Variants in NXPH2 observed in about 807,000 individuals in gnomAD.
NXPH2 encodes the protein neurexophilin-2.
In NXPH2, 5 loss-of-function variants were observed where a neutral mutation model predicts 19.8. The ratio of observed to expected loss-of-function variants is 0.25; its 90% confidence interval spans 0.13 to 0.53. NXPH2 has a LOEUF of 0.53. Among genes scored for constraint, NXPH2 ranks in the 20% least tolerant of loss-of-function variants. The probability of loss-of-function intolerance (pLI) is 0.96; values close to 1 mark genes in which losing one functional copy is unlikely to be tolerated. For missense variants in NXPH2, 289 were observed against 322.8 expected, an observed-to-expected ratio of 0.90 and a Z score of 0.80; for synonymous variants, 154 against 127.4, an observed-to-expected ratio of 1.21 and a Z score of -1.41.
At chr2:138,736,618 C>T (rs990832127) in intron 1 of NXPH2, among the ~76,000 whole-genome samples, 8 of 152,160 alleles carry the variant, frequency 5.3e-5, no homozygotes, top group African/African-American at 1.4e-4. Flanking sequence ...GACATTTTTC[C>T]CATTGTCTTG....
intron 1 of NXPH2, among the ~76,000 whole-genome samples, chr2:138,705,130 T>C (rs991966998): frequency 6.6e-6 from 1 of 152,010 alleles, no homozygotes; most frequent in African/African-American, 2.4e-5. Context: ...CTTGGTCTTT[T>C]AAAAAAATTT....
At chr2:138,729,492 C>T (rs892487589) in intron 1 of NXPH2, among the ~76,000 whole-genome samples, 1 of 152,180 alleles carries the variant, frequency 6.6e-6, no homozygotes, top group Non-Finnish European at 1.5e-5. Flanking sequence ...TTGGGTATGT[C>T]CTTATAGCAG....
chr2:138,770,096 A>G (rs904046542), intron 1 of NXPH2, among the ~76,000 whole-genome samples: 2 of 152,194 alleles, frequency 1.3e-5, no homozygotes, highest in Non-Finnish European at 2.9e-5. Flanking sequence ...CATAAAGGAA[A>G]TAAAAAGTTT....
intron 1 of NXPH2, among the ~76,000 whole-genome samples, chr2:138,731,927 T>C (rs16841084): frequency 0.12 from 17,944 of 152,220 alleles, 1,205 homozygotes; most frequent in African/African-American, 0.14. Flanking sequence ...TCACAAGATA[T>C]ACATTGCCTG....
chr2:138,713,780 C>A (rs1237483646), intron 1 of NXPH2, among the ~76,000 whole-genome samples: 3 of 152,010 alleles, frequency 2.0e-5, no homozygotes, highest in Non-Finnish European at 2.9e-5. Flanking sequence ...TGTTTCGCAC[C>A]AAATCACAAC....
intron 1 of NXPH2, among the ~76,000 whole-genome samples, chr2:138,737,240 A>C (rs541988182): frequency 2.7e-4 from 41 of 152,284 alleles, no homozygotes; most frequent in Admixed American, 7.2e-4. Context: ...GACTGGAAAG[A>C]AAAAGAGGTT....
chr2:138,695,918 G>A (rs951666071), intron 1 of NXPH2, among the ~76,000 whole-genome samples: 1 of 152,112 alleles, frequency 6.6e-6, no homozygotes, highest in Non-Finnish European at 1.5e-5. Context: ...AGAAGGTGAG[G>A]TGGGAGGATC....
intron 1 of NXPH2, among the ~76,000 whole-genome samples, chr2:138,737,741 G>A (rs572236485): frequency 3.9e-4 from 60 of 152,098 alleles, no homozygotes; most frequent in Non-Finnish European, 6.9e-4. Context: ...ATCCTCATCA[G>A]TATCTATAAA....
rs191818770 is a variant in NXPH2 at position 138,733,557 on chromosome 2, T to G, written c.51+46634A>C. On this transcript the variant is annotated intron_variant, in intron 1 of 1. Coordinates refer to ENST00000272641, the MANE Select transcript of NXPH2 (RefSeq NM_007226.3). Reference sequence around the variant, plus strand: ...TGGAGAGACATGTGAAGTCTTGCACTTAAACTTAGAGAAAAATTCTTCAGA... The same window carrying G: ...TGGAGAGACATGTGAAGTCTTGCACGTAAACTTAGAGAAAAATTCTTCAGA... 1.8e-3 allele frequency among the ~76,000 whole-genome samples: 267 copies of G among 152,310 alleles called. 3 individuals carry two copies. Among genetic ancestry groups the G allele is most frequent in the African/African-American group, 6.2e-3 (258 of 41,576 alleles).
intron 1 of NXPH2, among the ~76,000 whole-genome samples, chr2:138,714,931 T>C (rs1681167145): frequency 6.6e-6 from 1 of 152,206 alleles, no homozygotes; most frequent in Non-Finnish European, 1.5e-5. Context: ...TCAGCAAGAA[T>C]GACTAAAAGA....
At chr2:138,747,532 A>T (rs1409764169) in intron 1 of NXPH2, among the ~76,000 whole-genome samples, 1 of 152,184 alleles carries the variant, frequency 6.6e-6, no homozygotes, top group Non-Finnish European at 1.5e-5. Context: ...CCCTCATGGT[A>T]TTAATGGATA....
intron 1 of NXPH2, among the ~76,000 whole-genome samples, chr2:138,694,853 A>C (rs1287004269): frequency 6.6e-6 from 1 of 152,212 alleles, no homozygotes; most frequent in Non-Finnish European, 1.5e-5. Context: ...TATTGCTCCC[A>C]GATTATTTTG....
At chr2:138,771,148 A>G (rs990899329) in intron 1 of NXPH2, among the ~76,000 whole-genome samples, 13 of 152,258 alleles carry the variant, frequency 8.5e-5, no homozygotes, top group Admixed American at 2.6e-4. Context: ...TGTTACAGGT[A>G]TACTTACAAC....
chr2:138,732,015 G>A (rs928813174), intron 1 of NXPH2, among the ~76,000 whole-genome samples: 1 of 152,210 alleles, frequency 6.6e-6, no homozygotes, highest in Non-Finnish European at 1.5e-5. Flanking sequence ...GTGGGCAGGT[G>A]TGTATGGATA....
At chr2:138,713,368 T>TC (rs990673321) in intron 1 of NXPH2, among the ~76,000 whole-genome samples, 6 of 151,994 alleles carry the variant, frequency 3.9e-5, no homozygotes, top group African/African-American at 1.4e-4. Flanking sequence ...AGATTATTTG[T>TC]CCCCCAGCCA....
intron 1 of NXPH2, among the ~76,000 whole-genome samples, chr2:138,739,896 G>A (rs1343784006): frequency 1.3e-5 from 2 of 152,166 alleles, no homozygotes; most frequent in Non-Finnish European, 2.9e-5. Context: ...GAAGTAGGGA[G>A]GCCAGATAGA....
At chr2:138,678,525 T>A (rs1458279268) in intron 1 of NXPH2, among the ~76,000 whole-genome samples, 152 of 152,276 alleles carry the variant, frequency 1.0e-3, no homozygotes, top group African/African-American at 3.6e-3. Flanking sequence ...AATTTCAATT[T>A]ATAACTCTTT....
At chr2:138,674,490 T>G (rs1317768215) in intron 1 of NXPH2, among the ~76,000 whole-genome samples, 2 of 152,130 alleles carry the variant, frequency 1.3e-5, no homozygotes, top group African/African-American at 4.8e-5. Context: ...CTTGTTATGT[T>G]GCCCAGGCTG....
At chr2:138,687,497 G>T (rs934826680) in intron 1 of NXPH2, among the ~76,000 whole-genome samples, 1 of 152,062 alleles carries the variant, frequency 6.6e-6, no homozygotes, top group African/African-American at 2.4e-5. Context: ...CCATTCTGTA[G>T]GTTGCCTGTT....
Sources: gnomAD v4.1 joint callset for allele counts (sites outside exome capture counted in the v4.1 genomes callset) on GRCh38, gnomAD v4.1.1 for gene constraint, MANE v1.5 for transcripts, NCBI Gene and HGNC (gene_info 2026-07-23, HGNC 2026-07-21) for gene names.